RNF213: variants seen among roughly 807,000 people sequenced by gnomAD.
RNF213 encodes the protein E3 ubiquitin-protein ligase RNF213.
A neutral mutation model predicts 514.4 loss-of-function variants in RNF213; 341 were observed. That is an observed-to-expected ratio of 0.66 (90% CI 0.61 to 0.73). The LOEUF (loss-of-function observed/expected upper bound fraction) is 0.73, where lower values mean the gene tolerates loss of function less well. Ranked by LOEUF, RNF213 falls within the 30% of genes least tolerant of loss-of-function variation. The pLI is 0.00. For synonymous variants in RNF213, 2,655 were observed against 2,658.2 expected (o/e 1.00, Z 0.04); for missense variants, 5,767 against 6,615.6 (o/e 0.87, Z 4.45).
rs1394620373 is a variant in RNF213, at chr17:80,351,545, CG to C, written c.10185-138del. The stretch of plus-strand genomic sequence containing the variant: ...GCTCTGAAGTTTATGTAAAACTCAT[CG>C]GAACGGGTGGCCGTGAGACCGAACC... On this transcript the variant is annotated intron_variant, in intron 31 of 67. Coordinates refer to ENST00000582970, the MANE Select transcript of RNF213 (RefSeq NM_001256071.3). 6 of 611,776 alleles carry C rather than the reference CG, an allele frequency of 9.8e-6. No individual in the cohort carries two copies. The East Asian group carries it at 1.7e-4, about 18-fold the overall frequency. The allele number at this position is 611,776 out of a possible 1,614,324, so 37.9% of individuals were successfully genotyped here.
At chr17:80,386,530 C>T in intron 62 of RNF213, 100 bp downstream of exon 62, 1 of 1,447,870 alleles carries the variant, frequency 6.9e-7, no homozygotes, top group South Asian at 1.2e-5. Flanking sequence ...CCCTAACAGA[C>T]ACTCACTCCT....
At chr17:80,350,633 C>T (rs991798449) in intron 31 of RNF213, among the ~76,000 whole-genome samples, 2 of 152,172 alleles carry the variant, frequency 1.3e-5, no homozygotes, top group African/African-American at 2.4e-5. Context: ...AGCAAGACCT[C>T]ATTTCTAAAA....
intron 3 of RNF213, among the ~76,000 whole-genome samples, chr17:80,285,870 C>T (rs1434260452): frequency 6.6e-6 from 1 of 152,124 alleles, no homozygotes; most frequent in East Asian, 1.9e-4. Context: ...TGGGGAGGAT[C>T]TCACCATGTT....
At position 80,328,337 on chromosome 17, in the gene RNF213, G is replaced by A. The variant is rs998694484; in HGVS notation, c.3377G>A (p.Ser1126Asn). 2.0e-6 allele frequency: 3 copies of A among 1,535,280 alleles called. No homozygotes were observed. Among genetic ancestry groups the A allele is most frequent in the African/African-American group, 1.4e-5 (1 of 72,904 alleles). Residue 1126 changes from serine to asparagine, a missense_variant, in exon 20 of 68, where the codon AGT (serine) becomes AAT (asparagine). By Grantham distance (46) the Ser-to-Asn change is conservative. This residue lies in a region of RNF213 where 516 missense variants were observed against 566.5 expected (regional missense o/e 0.91). Coordinates refer to ENST00000582970, the MANE Select transcript of RNF213 (RefSeq NM_001256071.3). ...TGTTCTTATTTTCCAGGGGAAAAAA[G>A]TCTTTCACCCCAGGATGAACAATGT... ...FLDIWQLREK[S>N]LSPQDEQCAV...
intron 3 of RNF213, among the ~76,000 whole-genome samples, chr17:80,275,836 G>C (rs897863225): frequency 7.3e-5 from 11 of 151,468 alleles, no homozygotes; most frequent in Non-Finnish European, 1.6e-4. Context: ...CTAATTTTTT[G>C]TATTTTTGGT....
intron 67 of RNF213, among the ~76,000 whole-genome samples, chr17:80,390,652 C>A (rs914100338): frequency 2.0e-5 from 3 of 152,070 alleles, no homozygotes; most frequent in Non-Finnish European, 4.4e-5. Flanking sequence ...CCGCTTTGGC[C>A]TCTCAAAGTG....
intron 31 of RNF213, 150 bp from the exon 32 acceptor site, chr17:80,351,535 T>G (rs1004037804): frequency 6.7e-6 from 4 of 601,236 alleles, no homozygotes; most frequent in Non-Finnish European, 1.2e-5. Flanking sequence ...GAAGTTTATG[T>G]AAAACTCATC....
chr17:80,344,246 T>C (rs1263046612), intron 28 of RNF213, among the ~76,000 whole-genome samples: 1 of 152,244 alleles, frequency 6.6e-6, no homozygotes, highest in African/African-American at 2.4e-5. Flanking sequence ...TCTGTTCAAT[T>C]CAGGCTTCAT....
intron 9 of RNF213, 112 bp from the exon 10 acceptor site, chr17:80,295,445 G>A: frequency 4.4e-6 from 6 of 1,349,366 alleles, no homozygotes; most frequent in Non-Finnish European, 6.2e-6. Flanking sequence ...CAGGTGTGGT[G>A]GTGGGGCACG....
chr17:80,347,972 A>AAATT lies in RNF213; in HGVS notation c.9637_9638insAATT (p.Ser3213LysfsTer5). On this transcript the variant is annotated frameshift_variant, in exon 29 of 68. Coordinates refer to ENST00000582970, the MANE Select transcript of RNF213 (RefSeq NM_001256071.3). LOFTEE classifies it high-confidence loss of function. This position sits in a 1 kb window ranked among gnomAD's most constrained non-coding sequence, Gnocchi z 7.2. The stretch of plus-strand genomic sequence containing the variant: ...TCATTTCCAGAAGAGGCACAAATAC[A>AAATT]GCCCCTCTGACGTCTTCATCGGCTA... The AAATT allele has an allele frequency of 6.2e-7, 1 of 1,614,086 alleles. No individual in the cohort carries two copies. Among genetic ancestry groups the AAATT allele is most frequent in the Non-Finnish European group, 8.5e-7 (1 of 1,179,920 alleles).
rs773692675 is a variant in RNF213, at chr17:80,346,319, C to T, written c.7984C>T (p.Leu2662=). 6 of 1,614,048 alleles carry T rather than the reference C, an allele frequency of 3.7e-6. No individual in the cohort carries two copies. The Admixed American group carries it at 1.0e-4, about 27-fold the overall frequency. The change falls in exon 29 of 68, where the codon CTG becomes TTG. Residue 2662 remains leucine, a synonymous_variant. Transcript: ENST00000582970. This position sits in a 1 kb window ranked among gnomAD's most constrained non-coding sequence, Gnocchi z 8.1. ...GCACAGCGCGATGCTCTTAGCGCAG[C>T]TGAATGCCTTTCTCTCCAAGTCCAG... The part of the protein sequence containing the change: ...HEHSAMLLAQ[L]NAFLSKSSVS...
intron 17 of RNF213, 73 bp downstream of exon 17, chr17:80,319,385 A>G (rs368646799): frequency 2.5e-5 from 40 of 1,614,080 alleles, no homozygotes; most frequent in African/African-American, 4.0e-5. Context: ...GCTAAGGGCT[A>G]TGAAGCACCC....
chr17:80,312,811 C>T (rs1004493038), intron 14 of RNF213, among the ~76,000 whole-genome samples: 2 of 152,206 alleles, frequency 1.3e-5, no homozygotes, highest in Non-Finnish European at 1.5e-5. Flanking sequence ...GTATCTCCCA[C>T]GTTCAGGGTG....
At position 80,377,664 on chromosome 17, in the gene RNF213, G is replaced by C. The variant is rs1371929192; in HGVS notation, c.13511-98G>C. 1 of 1,305,262 alleles carries C rather than the reference G, an allele frequency of 7.7e-7. No homozygotes were observed. The highest frequency in any genetic ancestry group is 1.1e-6 in the Non-Finnish European group (1 of 898,316). 80.9% of individuals were successfully genotyped at this position (1,305,262 alleles called of 1,614,324 possible). The stretch of plus-strand genomic sequence containing the variant: ...TGCTCTGGACAGTCATTCTCATATT[G>C]TGGTCAGGGCCAGAGAGTAGAGAGT... On this transcript the variant is annotated intron_variant, in intron 53 of 67. Transcript: ENST00000582970. This position sits in a 1 kb window ranked among gnomAD's most constrained non-coding sequence, Gnocchi z 4.1.
intron 42 of RNF213, among the ~76,000 whole-genome samples, chr17:80,366,334 G>C (rs1209501473): frequency 6.6e-6 from 1 of 152,066 alleles, no homozygotes; most frequent in African/African-American, 2.4e-5. Context: ...TTTTCCACGG[G>C]GGCTGCAGCA....
chr17:80,306,277 G>C lies in RNF213; in HGVS notation c.2236G>C (p.Glu746Gln), dbSNP rs1231196629. Residue 746 changes from glutamate (E) to glutamine (Q), a missense_variant, in exon 12 of 68, where the codon GAG (glutamate) becomes CAG (glutamine). Physicochemically the swap from Glu to Gln is conservative, Grantham distance 29. Coordinates refer to ENST00000582970, the MANE Select transcript of RNF213 (RefSeq NM_001256071.3). ...GAGTTCCCTACTTCAGTTTATGAGA[G>C]AGAAGCAGCATTTGCTGAGCATAGA... is the stretch of plus-strand genomic sequence containing the variant. Reference protein sequence around the residue: ...DTSSLLQFMREKQHLLSIDEP... With the variant: ...DTSSLLQFMRQKQHLLSIDEP... The C allele has an allele frequency of 5.0e-6, 8 of 1,614,120 alleles. No individual in the cohort carries two copies. Among genetic ancestry groups the C allele is most frequent in the Non-Finnish European group, 5.9e-6 (7 of 1,180,030 alleles).
intron 2 of RNF213, among the ~76,000 whole-genome samples, chr17:80,269,171 C>T (rs925386068): frequency 6.6e-6 from 1 of 152,176 alleles, no homozygotes; most frequent in Non-Finnish European, 1.5e-5. Context: ...TGACTGGATG[C>T]TGCCCACCCA....
chr17:80,357,553 T>G (rs1439298347), intron 36 of RNF213, among the ~76,000 whole-genome samples: 1 of 152,246 alleles, frequency 6.6e-6, no homozygotes, highest in Non-Finnish European at 1.5e-5. Flanking sequence ...TGTATTATAG[T>G]CTATCTACAA....
intron 1 of RNF213, among the ~76,000 whole-genome samples, chr17:80,261,738 G>T (rs1180102420): frequency 6.6e-6 from 1 of 152,262 alleles, no homozygotes; most frequent in African/African-American, 2.4e-5. Flanking sequence ...GCTTTAGGGG[G>T]CCGGGCGCAG....
Sources: allele counts gnomAD v4.1 joint callset (sites outside exome capture counted in the v4.1 genomes callset), GRCh38; gene constraint gnomAD v4.1.1; regional missense constraint gnomAD v4.1.1; non-coding constraint Gnocchi (gnomAD v3.1); transcripts MANE v1.5; gene names NCBI Gene and HGNC (gene_info 2026-07-23, HGNC 2026-07-21).